The following RAB38 variants were observed in gnomAD, a reference collection of about 807,000 sequenced individuals.
RAB38 encodes the protein RAB38, member RAS oncogene family.
Under a neutral mutation model 18.4 loss-of-function variants are expected in RAB38, and 15 were observed. The ratio of observed to expected loss-of-function variants is 0.82; its 90% confidence interval spans 0.55 to 1.26. The LOEUF is 1.26. Ranked by LOEUF, RAB38 falls within the 50% of genes most tolerant of loss-of-function variation. The pLI, the probability that RAB38 is intolerant of heterozygous loss-of-function variation, is 0.00. For missense variants in RAB38, 294 were observed against 267.4 expected (o/e 1.10, Z -0.69); for synonymous variants, 101 against 104.4 (o/e 0.97, Z 0.20).
chr11:88,069,681 T>C, the RAB38 span, among the ~76,000 whole-genome samples: 3 of 152,034 alleles, frequency 2.0e-5, no homozygotes, highest in African/African-American at 7.3e-5. Flanking sequence ...AGATTGTAAA[T>C]ACACCAATCA....
At chr11:88,090,888 T>C in the RAB38 span, among the ~76,000 whole-genome samples, 4 of 151,984 alleles carry the variant, frequency 2.6e-5, no homozygotes, top group Non-Finnish European at 4.4e-5. Context: ...TATAACAACA[T>C]GACTCTGGCA....
chr11:87,976,981 TATAATTAC>T, the RAB38 span, among the ~76,000 whole-genome samples: 2 of 22,308 alleles, frequency 9.0e-5, no homozygotes, highest in Non-Finnish European at 1.3e-4. Context: ...TATTATAAAA[TATAATTAC>T]ATTATACAAG....
chr11:87,890,059 TTAGATA>T, the RAB38 span, among the ~76,000 whole-genome samples: 1 of 151,876 alleles, frequency 6.6e-6, no homozygotes, highest in African/African-American at 2.4e-5. Context: ...ACTCCAGTAA[TTAGATA>T]TAAAGAGGTG....
the RAB38 span, among the ~76,000 whole-genome samples, chr11:87,804,528 T>A: frequency 2.0e-5 from 3 of 152,154 alleles, no homozygotes; most frequent in African/African-American, 7.2e-5. Flanking sequence ...GGACTTAAAT[T>A]TTGCTGATGG....
At chr11:87,838,638 A>G in the RAB38 span, among the ~76,000 whole-genome samples, 1 of 152,178 alleles carries the variant, frequency 6.6e-6, no homozygotes, top group Non-Finnish European at 1.5e-5. Flanking sequence ...TTCAGCTTGC[A>G]CAAATCTTTT....
the RAB38 span, among the ~76,000 whole-genome samples, chr11:87,892,325 A>T: frequency 6.6e-6 from 1 of 151,774 alleles, no homozygotes; most frequent in Non-Finnish European, 1.5e-5. Flanking sequence ...AGTCCTAAAA[A>T]ATTTTGCCTG....
At chr11:87,977,590 T>G in the RAB38 span, among the ~76,000 whole-genome samples, 16 of 118,342 alleles carry the variant, frequency 1.4e-4, no homozygotes, top group African/African-American at 5.0e-4. Flanking sequence ...AATTTTATAA[T>G]AATTATGTAC....
At chr11:88,075,032 C>T in the RAB38 span, among the ~76,000 whole-genome samples, 1 of 152,034 alleles carries the variant, frequency 6.6e-6, no homozygotes, top group Non-Finnish European at 1.5e-5. Flanking sequence ...ATGTACTAAA[C>T]CCTGGAGCAC....
At chr11:87,887,866 CAA>C in the RAB38 span, among the ~76,000 whole-genome samples, 1 of 151,788 alleles carries the variant, frequency 6.6e-6, no homozygotes, top group Admixed American at 6.6e-5. Context: ...AATGTAATAA[CAA>C]TATAAGAAAA....
the RAB38 span, among the ~76,000 whole-genome samples, chr11:88,014,213 A>C: frequency 6.6e-6 from 1 of 152,148 alleles, no homozygotes; most frequent in African/African-American, 2.4e-5. Flanking sequence ...TATGGTAGGT[A>C]GTTTCAACTG....
At chr11:88,129,945 AC>A (rs1379232429) in intron 2 of RAB38, among the ~76,000 whole-genome samples, 1 of 136,604 alleles carries the variant, frequency 7.3e-6, no homozygotes, top group Non-Finnish European at 1.7e-5. Context: ...ACAAAAAAAA[AC>A]AGCCATAAAT....
chr11:88,130,284 T>C (rs1942750803), intron 2 of RAB38, among the ~76,000 whole-genome samples: 1 of 152,000 alleles, frequency 6.6e-6, no homozygotes, highest in African/African-American at 2.4e-5. Flanking sequence ...AGTTTAAAAA[T>C]AACATGTACA....
At chr11:87,976,468 A>G in the RAB38 span, among the ~76,000 whole-genome samples, 9 of 131,474 alleles carry the variant, frequency 6.8e-5, no homozygotes, top group African/African-American at 1.9e-4. Flanking sequence ...TATATATTTT[A>G]CATATAGTTA....
intron 2 of RAB38, among the ~76,000 whole-genome samples, chr11:88,141,812 T>C (rs1191948083): frequency 7.2e-5 from 11 of 152,190 alleles, no homozygotes; most frequent in East Asian, 1.9e-4. Flanking sequence ...CTAGAATACC[T>C]TTCTCCTTCC....
At chr11:87,891,591 T>C in the RAB38 span, among the ~76,000 whole-genome samples, 1 of 151,798 alleles carries the variant, frequency 6.6e-6, no homozygotes, top group South Asian at 2.1e-4. Context: ...TCATTAGAAA[T>C]ATATTTAAAC....
chr11:88,011,396 C>T, the RAB38 span, among the ~76,000 whole-genome samples: 108 of 152,178 alleles, frequency 7.1e-4, no homozygotes, highest in African/African-American at 2.5e-3. Context: ...AAGATGTATG[C>T]GTATTATTCC....
chr11:87,957,046 C>T, the RAB38 span, among the ~76,000 whole-genome samples: 1 of 151,824 alleles, frequency 6.6e-6, no homozygotes, highest in Non-Finnish European at 1.5e-5. Context: ...ATTGTTAAAT[C>T]AATTGGCTGT....
chr11:88,066,167 T>C, the RAB38 span, among the ~76,000 whole-genome samples: 1 of 152,244 alleles, frequency 6.6e-6, no homozygotes, highest in African/African-American at 2.4e-5. Flanking sequence ...GTCTTAAAAA[T>C]ACTCCTAACT....
chr11:88,109,906 T>C (rs1942451144), downstream of RAB38, among the ~76,000 whole-genome samples: 1 of 152,184 alleles, frequency 6.6e-6, no homozygotes, highest in Non-Finnish European at 1.5e-5. Flanking sequence ...AGGAACACTT[T>C]TACACTGTTG....
Sources: gnomAD v4.1 joint callset for allele counts (sites outside exome capture counted in the v4.1 genomes callset) on GRCh38, gnomAD v4.1.1 for gene constraint, MANE v1.5 for transcripts, NCBI Gene and HGNC (gene_info 2026-07-23, HGNC 2026-07-21) for gene names.